The following GABRB3 variants were observed in gnomAD, a reference collection of about 807,000 sequenced individuals.
The protein encoded by GABRB3 is gamma-aminobutyric acid type A receptor subunit beta3.
In GABRB3, 14 loss-of-function variants were observed where a neutral mutation model predicts 52.1. The ratio of observed to expected loss-of-function variants is 0.27; its 90% CI spans 0.18 to 0.42. The LOEUF (loss-of-function observed/expected upper bound fraction) is 0.42. GABRB3 is among the 10% of genes least tolerant of loss of function. GABRB3 has a pLI of 1.00. For synonymous variants in GABRB3, 260 were observed against 232.3 expected (o/e 1.12, Z -1.08); for missense variants, 307 against 609.1 (o/e 0.50, Z 5.22).
intron 4 of GABRB3, among the ~76,000 whole-genome samples, chr15:26,591,236 C>T (rs1007510681): frequency 2.0e-5 from 3 of 152,124 alleles, no homozygotes; most frequent in Admixed American, 6.5e-5. Context: ...AGCACTCTTG[C>T]GGCAATAGAT....
At chr15:26,668,316 T>C (rs911880545) in intron 3 of GABRB3, among the ~76,000 whole-genome samples, 1 of 152,202 alleles carries the variant, frequency 6.6e-6, no homozygotes, top group Non-Finnish European at 1.5e-5. Context: ...TAATGTGCTA[T>C]AAAAAATTAA....
At chr15:26,615,453 A>G in intron 4 of GABRB3, 1 of 986,826 alleles carries the variant, frequency 1.0e-6, no homozygotes, top group Non-Finnish European at 1.2e-6. Context: ...TGTTACCCCA[A>G]GTTTCAAGCT....
intron 3 of GABRB3, among the ~76,000 whole-genome samples, chr15:26,663,060 C>CGTGT (rs151144788): frequency 6.6e-6 from 1 of 151,912 alleles, no homozygotes; most frequent in African/African-American, 2.4e-5. Flanking sequence ...TAGATGTAAA[C>CGTGT]GTGTGTGTGT....
Position 26,548,065 on chromosome 15 carries a change from C to T in GABRB3, c.1150G>A (p.Gly384Ser), listed in dbSNP as rs757233280. ...GCTGAATTCCTGGTATCGCCAATGC[C>T]GCCTGAGACCTCATTCATTTCATTG... ...VHNEMNEVSG[G>S]IGDTRNSAIS... Residue 384 changes from glycine to serine, a missense_variant, in exon 9 of 9, where the codon GGC (glycine) becomes AGC (serine). Transcript: ENST00000311550. 32 of 1,614,008 alleles carry T rather than the reference C, an allele frequency of 2.0e-5. No homozygotes were observed. Among genetic ancestry groups the T allele is most frequent in the Admixed American group, 1.0e-4 (6 of 60,000 alleles).
chr15:26,768,031 G>C (rs1355456187), intron 3 of GABRB3, among the ~76,000 whole-genome samples: 1 of 151,958 alleles, frequency 6.6e-6, no homozygotes, highest in East Asian at 1.9e-4. Context: ...TAAAAAAATG[G>C]ATTTTATAAG....
chr15:26,624,137 T>A (rs1892591717), intron 3 of GABRB3: 2 of 946,584 alleles, frequency 2.1e-6, no homozygotes, highest in Non-Finnish European at 2.5e-6. Flanking sequence ...TCTCGGACAC[T>A]GGGCTGATGC....
chr15:26,690,900 T>C (rs1307149978), intron 3 of GABRB3, among the ~76,000 whole-genome samples: 1 of 151,230 alleles, frequency 6.6e-6, no homozygotes, highest in African/African-American at 2.4e-5. Flanking sequence ...ATTAAATGCA[T>C]GATTACATCA....
intron 3 of GABRB3, among the ~76,000 whole-genome samples, chr15:26,728,635 C>T (rs577830359): frequency 2.6e-4 from 39 of 152,284 alleles, no homozygotes; most frequent in African/African-American, 8.4e-4. Context: ...ACTTAAAGTG[C>T]CTTTTCAAAA....
intron 3 of GABRB3, among the ~76,000 whole-genome samples, chr15:26,682,522 G>A (rs1371745319): frequency 2.6e-5 from 4 of 152,212 alleles, no homozygotes; most frequent in Non-Finnish European, 5.9e-5. Context: ...TTAAATGAAA[G>A]AGCATCAACA....
At chr15:26,637,955 G>A (rs891702387) in intron 3 of GABRB3, among the ~76,000 whole-genome samples, 1 of 152,148 alleles carries the variant, frequency 6.6e-6, no homozygotes, top group Non-Finnish European at 1.5e-5. Context: ...AAGGGCAAAA[G>A]ACCTCAGGCT....
In GABRB3 at chr15:26,615,204, A is replaced by C. The variant is rs1468850806; in HGVS notation, c.461+6110T>G. 6.0e-6 allele frequency: 5 copies of C among 837,602 alleles called. No homozygotes were observed. In the African/African-American group the frequency reaches 9.2e-5, roughly 15 times the overall value. 51.9% of individuals were successfully genotyped at this position (837,602 alleles called of 1,614,324 possible). Reference sequence around the variant, plus strand: ...TCAGTGCAGCATCAAAGAAAACAGAAAAGCTGTGACTGGGACAGGACAAAG... The same window carrying C: ...TCAGTGCAGCATCAAAGAAAACAGACAAGCTGTGACTGGGACAGGACAAAG... On this transcript the variant is annotated intron_variant, in intron 4 of 8. Transcript: ENST00000311550.
At chr15:26,744,787 A>G (rs1890295004) in intron 3 of GABRB3, among the ~76,000 whole-genome samples, 1 of 145,658 alleles carries the variant, frequency 6.9e-6, no homozygotes, top group Non-Finnish European at 1.5e-5. Context: ...ATCAAAAATC[A>G]TATTTTCAAT....
intron 7 of GABRB3, among the ~76,000 whole-genome samples, chr15:26,561,528 G>GA (rs1889988198): frequency 6.6e-6 from 1 of 151,974 alleles, no homozygotes; most frequent in South Asian, 2.1e-4. Context: ...ATGAATGCTG[G>GA]AAAAAATAAA....
At chr15:26,626,235 C>G (rs745545594) in intron 3 of GABRB3, among the ~76,000 whole-genome samples, 1 of 152,124 alleles carries the variant, frequency 6.6e-6, no homozygotes, top group African/African-American at 2.4e-5. Context: ...GCAAACTTAT[C>G]GTACAAATGT....
At chr15:26,599,629 AAAG>A (rs1891516114) in intron 4 of GABRB3, among the ~76,000 whole-genome samples, 2 of 152,368 alleles carry the variant, frequency 1.3e-5, no homozygotes, top group South Asian at 4.1e-4. Flanking sequence ...ACAGAATTGA[AAAG>A]CTCTGCCTGT....
chr15:26,724,535 A>G (rs1253575198), intron 3 of GABRB3, among the ~76,000 whole-genome samples: 5 of 152,138 alleles, frequency 3.3e-5, no homozygotes, highest in Admixed American at 1.3e-4. Flanking sequence ...ATAACCAACC[A>G]GCATTCTTTC....
At chr15:26,652,450 T>C (rs878934378) in intron 3 of GABRB3, among the ~76,000 whole-genome samples, 1 of 152,314 alleles carries the variant, frequency 6.6e-6, no homozygotes, top group Admixed American at 6.5e-5. Flanking sequence ...GAGGCTAACA[T>C]CTTACCAGGA....
chr15:26,755,253 C>T (rs1018489580), intron 3 of GABRB3, among the ~76,000 whole-genome samples: 1 of 152,090 alleles, frequency 6.6e-6, no homozygotes, highest in Non-Finnish European at 1.5e-5. Context: ...GATCTGCCTG[C>T]CTCAGCCTCC....
chr15:26,773,281 G>A (rs1344579072), upstream of GABRB3, among the ~76,000 whole-genome samples: 3 of 150,178 alleles, frequency 2.0e-5, no homozygotes, highest in African/African-American at 4.9e-5. Flanking sequence ...CTCCCGCCTC[G>A]GCGGCCGCCG....
Sources: allele counts gnomAD v4.1 joint callset (sites outside exome capture counted in the v4.1 genomes callset), GRCh38; gene constraint gnomAD v4.1.1; transcripts MANE v1.5; gene names NCBI Gene and HGNC (gene_info 2026-07-23, HGNC 2026-07-21).